The following NXPH2 variants were observed in gnomAD, a reference collection of about 807,000 sequenced individuals.
The protein encoded by NXPH2 is neurexophilin 2.
NXPH2 carries 5 observed loss-of-function variants against 19.8 expected under a neutral mutation model. That is an observed-to-expected ratio of 0.25 (90% CI 0.13 to 0.53). The LOEUF (loss-of-function observed/expected upper bound fraction) is 0.53. Ranked by LOEUF, NXPH2 falls within the 20% of genes least tolerant of loss-of-function variation. The pLI is 0.96. For missense variants in NXPH2, 289 were observed against 322.8 expected, an observed-to-expected ratio of 0.90 and a Z score of 0.80; for synonymous variants, 154 against 127.4, an observed-to-expected ratio of 1.21 and a Z score of -1.41.
In NXPH2 at chr2:138,750,826, C is replaced by T. The variant is rs569425362; in HGVS notation, c.51+29365G>A. Among the ~76,000 whole-genome samples, 15 of 152,246 alleles carry T rather than the reference C, an allele frequency of 9.9e-5. No homozygotes were observed. The East Asian group carries it at 2.9e-3, about 29-fold the overall frequency. ...GGCTTGATATGAGTAGGATCTGTGT[C>T]CCCACCAAATCTCATATTGAATTGT... On this transcript the variant is annotated intron_variant, in intron 1 of 1. Coordinates refer to ENST00000272641, the MANE Select transcript of NXPH2 (RefSeq NM_007226.3).
chr2:138,767,746 A>G lies in NXPH2; in HGVS notation c.51+12445T>C, dbSNP rs1025436589. On this transcript the variant is annotated intron_variant, in intron 1 of 1. Transcript: ENST00000272641. ...TTTCTGATTTTTCATTTGAGCATGG[A>G]AATTTCACCAATTTGTTATTTTTAA... Among the ~76,000 whole-genome samples the G allele has an allele frequency of 2.0e-5, 3 of 152,144 alleles. No homozygotes were observed. In the East Asian group the frequency reaches 5.8e-4, roughly 29 times the overall value.
Position 138,762,405 on chromosome 2 carries a change from T to G in NXPH2, c.51+17786A>C, listed in dbSNP as rs370815354. 4.1e-4 allele frequency among the ~76,000 whole-genome samples: 62 copies of G among 152,338 alleles called. No homozygotes were observed. In the South Asian group the frequency reaches 0.012, roughly 31 times the overall value. Reference sequence around the variant, plus strand: ...CACAGCCCTTGCCCACTGCTAGCACTAATATAATACTGCAGGCATTTCATT... The same window carrying G: ...CACAGCCCTTGCCCACTGCTAGCACGAATATAATACTGCAGGCATTTCATT... On this transcript the variant is annotated intron_variant, in intron 1 of 1. Transcript: ENST00000272641.
At chr2:138,752,366 C>T (rs1188434941) in intron 1 of NXPH2, among the ~76,000 whole-genome samples, 1 of 152,130 alleles carries the variant, frequency 6.6e-6, no homozygotes, top group East Asian at 1.9e-4. Flanking sequence ...GGCCTCTTAT[C>T]TGATGCCTTT....
chr2:138,697,601 A>G (rs1466486357), intron 1 of NXPH2, among the ~76,000 whole-genome samples: 1 of 151,946 alleles, frequency 6.6e-6, no homozygotes, highest in Non-Finnish European at 1.5e-5. Context: ...CAGGAAATAT[A>G]CAATTCATTA....
intron 1 of NXPH2, among the ~76,000 whole-genome samples, chr2:138,676,280 C>A (rs1174520219): frequency 1.3e-5 from 2 of 152,182 alleles, no homozygotes; most frequent in Non-Finnish European, 2.9e-5. Context: ...CAACTTTCAG[C>A]CTTGGTGTAA....
rs149841772 is a variant in NXPH2, at chr2:138,778,445, T to A, written c.51+1746A>T. Among the ~76,000 whole-genome samples, 224 of 152,226 alleles carry A rather than the reference T, an allele frequency of 1.5e-3. 5 individuals are homozygous for A. The highest frequency in any genetic ancestry group is 5.2e-3 in the African/African-American group (215 of 41,548). On this transcript the variant is annotated intron_variant, in intron 1 of 1. Transcript: ENST00000272641. ...TGTATTTCCTATTCCTTACTGACTA[T>A]GGCGGTGTGGAAAAAAAAAATATCT...
intron 1 of NXPH2, among the ~76,000 whole-genome samples, chr2:138,736,162 C>T (rs532859393): frequency 2.9e-4 from 44 of 152,324 alleles, no homozygotes; most frequent in Admixed American, 2.9e-3. Context: ...GCCCTCTTCT[C>T]ACAGCTACAC....
chr2:138,721,162 A>T (rs1681273008), intron 1 of NXPH2, among the ~76,000 whole-genome samples: 3 of 152,124 alleles, frequency 2.0e-5, no homozygotes, highest in Admixed American at 2.0e-4. Flanking sequence ...CAAAATGGTG[A>T]AACCCCCATC....
intron 1 of NXPH2, among the ~76,000 whole-genome samples, chr2:138,762,417 G>T (rs1000575381): frequency 6.6e-6 from 1 of 152,106 alleles, no homozygotes; most frequent in Non-Finnish European, 1.5e-5. Context: ...ATATAATACT[G>T]CAGGCATTTC....
chr2:138,764,552 A>T (rs893860423), intron 1 of NXPH2, among the ~76,000 whole-genome samples: 2 of 152,380 alleles, frequency 1.3e-5, no homozygotes, highest in Middle Eastern at 3.4e-3. Context: ...ACATTAGGAC[A>T]GCAATGGTGA....
At chr2:138,736,567 A>G (rs10180966) in intron 1 of NXPH2, among the ~76,000 whole-genome samples, 142,432 of 152,276 alleles carry the variant, frequency 0.94, 66,927 homozygotes, top group East Asian at 1. Context: ...TCTGGCCTGT[A>G]AAGGGAGGGG....
intron 1 of NXPH2, among the ~76,000 whole-genome samples, chr2:138,758,070 C>T (rs1681944146): frequency 6.6e-6 from 1 of 152,072 alleles, no homozygotes; most frequent in African/African-American, 2.4e-5. Flanking sequence ...CTCAAATAGA[C>T]TCATGTTTTT....
chr2:138,755,607 A>C (rs916275018), intron 1 of NXPH2, among the ~76,000 whole-genome samples: 1 of 152,098 alleles, frequency 6.6e-6, no homozygotes, highest in Non-Finnish European at 1.5e-5. Context: ...AAAATCAGGT[A>C]ATGTGAGCCC....
In NXPH2 at chr2:138,764,758, C is replaced by T. The variant is rs76243368; in HGVS notation, c.51+15433G>A. Among the ~76,000 whole-genome samples, 767 of 152,214 alleles carry T rather than the reference C, an allele frequency of 5.0e-3. 6 individuals are homozygous for T. The highest frequency in any genetic ancestry group is 0.018 in the African/African-American group (727 of 41,520). On this transcript the variant is annotated intron_variant, in intron 1 of 1. Transcript: ENST00000272641. Reference sequence around the variant, plus strand: ...CAATGAACTACAAATTAGCTTTGCTCTTCCCAGTAGGAAAGTTATAAATGA... The same window carrying T: ...CAATGAACTACAAATTAGCTTTGCTTTTCCCAGTAGGAAAGTTATAAATGA...
chr2:138,726,323 G>T (rs1465944441), intron 1 of NXPH2, among the ~76,000 whole-genome samples: 1 of 152,142 alleles, frequency 6.6e-6, no homozygotes, highest in African/African-American at 2.4e-5. Flanking sequence ...GGGATTACAG[G>T]CGTGAGCCAC....
In NXPH2 at chr2:138,734,111, G is replaced by A. The variant is rs1447147456; in HGVS notation, c.51+46080C>T. On this transcript the variant is annotated intron_variant, in intron 1 of 1. Transcript: ENST00000272641. ...AATGCAAAAATTAGCCAGGCATCAT[G>A]TTGGGTGCCTGTAATCACAGCTACT... 2.0e-4 allele frequency among the ~76,000 whole-genome samples: 30 copies of A among 152,304 alleles called. No individual in the cohort carries two copies. In the East Asian group the frequency reaches 5.8e-3, roughly 29 times the overall value.
At position 138,774,906 on chromosome 2, in the gene NXPH2, C is replaced by T. The variant is rs1389839207; in HGVS notation, c.51+5285G>A. On this transcript the variant is annotated intron_variant, in intron 1 of 1. Coordinates refer to ENST00000272641, the MANE Select transcript of NXPH2 (RefSeq NM_007226.3). ...AAAATATCCTTCTCTATCTTCTAGTCTTACTGGGAGAATAGAATGTGATAA... is the reference window on the plus strand; with the variant it reads ...AAAATATCCTTCTCTATCTTCTAGTTTTACTGGGAGAATAGAATGTGATAA... 3.3e-5 allele frequency among the ~76,000 whole-genome samples: 5 copies of T among 152,198 alleles called. No homozygotes were observed. The East Asian group carries it at 9.6e-4, about 29-fold the overall frequency.
chr2:138,780,266 C>T lies in NXPH2; in HGVS notation c.-25G>A. ...TGGTGCCGGCTGGCGCGGCTTTTCA[C>T]GAGCTGCGCGCCCTCGCCTGCCTCT... is the stretch of plus-strand genomic sequence containing the variant. On this transcript the variant is annotated 5_prime_UTR_variant, in exon 1 of 2. It adds an upstream start codon to the 5' untranslated region. Coordinates refer to ENST00000272641, the MANE Select transcript of NXPH2 (RefSeq NM_007226.3). The T allele has an allele frequency of 7.1e-7, 1 of 1,414,612 alleles. No individual in the cohort carries two copies. Among genetic ancestry groups the T allele is most frequent in the Non-Finnish European group, 9.1e-7 (1 of 1,094,868 alleles). 87.6% of individuals were successfully genotyped at this position (1,414,612 alleles called of 1,614,324 possible).
intron 1 of NXPH2, among the ~76,000 whole-genome samples, chr2:138,743,990 G>A (rs1681687313): frequency 8.9e-6 from 1 of 112,836 alleles, no homozygotes; most frequent in Non-Finnish European, 1.7e-5. Context: ...GTGATAGAGT[G>A]AGACTCCATC....
Sources: gnomAD v4.1 joint callset for allele counts (sites outside exome capture counted in the v4.1 genomes callset) on GRCh38, gnomAD v4.1.1 for gene constraint, MANE v1.5 for transcripts, NCBI Gene and HGNC (gene_info 2026-07-23, HGNC 2026-07-21) for gene names.